CBFA2T3: variants seen among roughly 807,000 people sequenced by gnomAD.
CBFA2T3 encodes transcriptional corepressor CBFA2T3.
Under a neutral mutation model 58.6 loss-of-function variants are expected in CBFA2T3, and 31 were observed. The ratio of observed to expected loss-of-function variants is 0.53; its 90% confidence interval spans 0.40 to 0.71. The LOEUF (loss-of-function observed/expected upper bound fraction) is 0.71, where lower values mean the gene tolerates loss of function less well. Among genes scored for constraint, CBFA2T3 ranks in the 30% least tolerant of loss-of-function variants. CBFA2T3 has a pLI of 0.00. For missense variants in CBFA2T3, 1,076 were observed against 963.1 expected (o/e 1.12, Z -1.55); for synonymous variants, 531 against 421.9 (o/e 1.26, Z -3.17).
rs1329347214 is a variant in CBFA2T3 at position 88,903,664 on chromosome 16, G to GA, written c.152-2009_152-2008insT. Among the ~76,000 whole-genome samples, 1,142 of 136,786 alleles carry GA rather than the reference G, an allele frequency of 8.3e-3. 22 individuals carry two copies. Among genetic ancestry groups the GA allele is most frequent in the African/African-American group, 0.029 (1,076 of 37,368 alleles). 89.7% of individuals were successfully genotyped at this position (136,786 alleles called of 152,430 possible). On this transcript the variant is annotated intron_variant, in intron 1 of 11. Transcript: ENST00000268679. ...GTGGTGGGGGTGTTCCCGGCTGGGG[G>GA]GGGGGGCGTTCCTGGGGGGGCATTC...
At chr16:88,911,543 C>T (rs1389771389) in intron 1 of CBFA2T3, among the ~76,000 whole-genome samples, 1 of 152,262 alleles carries the variant, frequency 6.6e-6, no homozygotes, top group Non-Finnish European at 1.5e-5. Flanking sequence ...CTCAGGCGCC[C>T]TCTCCCTGCA....
At chr16:88,919,575 G>A (rs374879501) in intron 1 of CBFA2T3, among the ~76,000 whole-genome samples, 1 of 152,174 alleles carries the variant, frequency 6.6e-6, no homozygotes, top group African/African-American at 2.4e-5. Context: ...ATGATCACAA[G>A]GGCAAAACCC....
chr16:88,963,704 A>G (rs1395993708), intron 1 of CBFA2T3, among the ~76,000 whole-genome samples: 1 of 152,272 alleles, frequency 6.6e-6, no homozygotes, highest in Non-Finnish European at 1.5e-5. Context: ...GCGCATCAGG[A>G]ATAGATTTTA....
intron 1 of CBFA2T3, chr16:88,950,120 A>G: frequency 2.2e-6 from 1 of 452,294 alleles, no homozygotes; most frequent in South Asian, 1.6e-5. Context: ...GTCTCTCTTC[A>G]CCTCTCTTTA....
In CBFA2T3 at chr16:88,931,545, C is replaced by T. The variant is rs8063763; in HGVS notation, c.152-29889G>A. Among the ~76,000 whole-genome samples the T allele has an allele frequency of 5.3e-5, 8 of 150,036 alleles. No individual in the cohort carries two copies. The South Asian group carries it at 6.5e-4, about 12-fold the overall frequency. ...AAGGGCCGTGGGCCGGCCCCGTGGA[C>T]GAGCCAGAGGTGGAGAAGGGCCGTG... On this transcript the variant is annotated intron_variant, in intron 1 of 11. Coordinates refer to ENST00000268679, the MANE Select transcript of CBFA2T3 (RefSeq NM_005187.6).
intron 1 of CBFA2T3, among the ~76,000 whole-genome samples, chr16:88,927,287 G>A (rs1971114010): frequency 6.6e-6 from 1 of 152,244 alleles, no homozygotes; most frequent in Non-Finnish European, 1.5e-5. Context: ...GCCCTCGGGT[G>A]CATGGACTTC....
intron 1 of CBFA2T3, among the ~76,000 whole-genome samples, chr16:88,935,950 T>TG (rs1049780261): frequency 6.6e-6 from 1 of 152,046 alleles, no homozygotes; most frequent in African/African-American, 2.4e-5. Flanking sequence ...CGAATCCAGG[T>TG]GGGGGCTCCA....
intron 1 of CBFA2T3, among the ~76,000 whole-genome samples, chr16:88,905,979 C>T (rs911948338): frequency 2.6e-5 from 4 of 151,426 alleles, no homozygotes; most frequent in Admixed American, 6.6e-5. Context: ...TGAGTCCTGC[C>T]GGCCTGGCTT....
chr16:88,975,247 C>T (rs928013968), intron 1 of CBFA2T3, among the ~76,000 whole-genome samples: 2 of 140,188 alleles, frequency 1.4e-5, no homozygotes, highest in Non-Finnish European at 3.0e-5. Flanking sequence ...CAGAGGCCCG[C>T]CCTGACCCTC....
chr16:88,906,498 G>T (rs1322294261), intron 1 of CBFA2T3, among the ~76,000 whole-genome samples: 1 of 152,234 alleles, frequency 6.6e-6, no homozygotes, highest in African/African-American at 2.4e-5. Context: ...AAACCACTTG[G>T]AAAAATAAAA....
At chr16:88,929,521 A>G (rs1428291888) in intron 1 of CBFA2T3, among the ~76,000 whole-genome samples, 1 of 152,272 alleles carries the variant, frequency 6.6e-6, no homozygotes. Context: ...ACATTCATCC[A>G]CACAAAAGCT....
chr16:88,941,679 A>AGGGGTGCGGGCGCCGTGGAG (rs1971739827), intron 1 of CBFA2T3: 1 of 145,046 alleles, frequency 6.9e-6, no homozygotes, highest in Non-Finnish European at 1.5e-5. Context: ...GAAGAGGTTG[A>AGGGGTGCGGGCGCCGTGGAG]GGGGTGCGGG....
intron 9 of CBFA2T3, chr16:88,881,059 G>A: frequency 1.4e-6 from 1 of 707,424 alleles, no homozygotes; most frequent in Non-Finnish European, 2.6e-6. Context: ...AGGCGGAGAA[G>A]CAGAGACCCT....
intron 1 of CBFA2T3, among the ~76,000 whole-genome samples, chr16:88,967,710 G>T (rs1159591924): frequency 6.6e-6 from 1 of 152,136 alleles, no homozygotes; most frequent in Non-Finnish European, 1.5e-5. Context: ...TTCTCCTGGG[G>T]GGTTAAAGAT....
chr16:88,940,818 C>A (rs1006551829), intron 1 of CBFA2T3, among the ~76,000 whole-genome samples: 2 of 152,140 alleles, frequency 1.3e-5, no homozygotes, highest in African/African-American at 4.8e-5. Flanking sequence ...CCGCAGCCCC[C>A]GCAGGTCAGG....
At chr16:88,894,023 G>A (rs945236711) in intron 3 of CBFA2T3, among the ~76,000 whole-genome samples, 2 of 152,112 alleles carry the variant, frequency 1.3e-5, no homozygotes, top group South Asian at 2.1e-4. Context: ...CTGAAGCCCC[G>A]CACACACTCA....
chr16:88,884,780 G>A (rs1024747146), intron 7 of CBFA2T3: 21 of 396,596 alleles, frequency 5.3e-5, no homozygotes, highest in African/African-American at 2.5e-4. Context: ...TGTGGGAATC[G>A]CCAAGCTCGG....
chr16:88,949,310 G>A (rs1971984956), intron 1 of CBFA2T3, among the ~76,000 whole-genome samples: 1 of 152,210 alleles, frequency 6.6e-6, no homozygotes, highest in African/African-American at 2.4e-5. Context: ...TGTAATCCCA[G>A]CACTTCGGGA....
Position 88,885,059 on chromosome 16 carries a change from G to A in CBFA2T3, c.1104C>T (p.Arg368=), listed in dbSNP as rs1969303721. ...RHPDPRELRE[R]HRPLVVPGSR... ...CGGGCTGCTCACCAAGCGGCCGATG[G>A]CGCTCTCGTAGCTCCCGGGGGTCTG... The change falls in exon 7 of 12, where the codon CGC becomes CGT. Residue 368 remains arginine, a synonymous_variant. Coordinates refer to ENST00000268679, the MANE Select transcript of CBFA2T3 (RefSeq NM_005187.6). This position sits in a 1 kb window ranked among gnomAD's most constrained non-coding sequence, Gnocchi z 5.3. The A allele has an allele frequency of 6.3e-7, 1 of 1,599,064 alleles. No homozygotes were observed.
Sources: allele counts gnomAD v4.1 joint callset (sites outside exome capture counted in the v4.1 genomes callset), GRCh38; gene constraint gnomAD v4.1.1; non-coding constraint Gnocchi (gnomAD v3.1); transcripts MANE v1.5; gene names NCBI Gene and HGNC (gene_info 2026-07-23, HGNC 2026-07-21).